PSME4: variants seen among roughly 807,000 people sequenced by gnomAD.
PSME4 encodes proteasome activator complex subunit 4.
In PSME4, 89 loss-of-function variants were observed where a neutral mutation model predicts 253.9. The ratio of observed to expected loss-of-function variants is 0.35; its 90% CI spans 0.30 to 0.42. The LOEUF is 0.42. Among genes scored for constraint, PSME4 ranks in the 10% least tolerant of loss-of-function variants. The pLI is 1.00. For missense variants in PSME4, 2,014 were observed against 2,195.2 expected, an observed-to-expected ratio of 0.92 and a Z score of 1.65; for synonymous variants, 851 against 759.2, an observed-to-expected ratio of 1.12 and a Z score of -1.99.
intron 1 of PSME4, among the ~76,000 whole-genome samples, chr2:53,968,418 T>C (rs1242033886): frequency 2.0e-5 from 3 of 152,184 alleles, no homozygotes; most frequent in Non-Finnish European, 2.9e-5. Flanking sequence ...CTTTCTATTC[T>C]ACAAAGTACT....
intron 4 of PSME4, among the ~76,000 whole-genome samples, chr2:53,939,258 C>A (rs926652150): frequency 2.6e-5 from 4 of 152,046 alleles, no homozygotes; most frequent in South Asian, 2.1e-4. Context: ...TAATACATGG[C>A]TTTTCACCAA....
At chr2:53,925,399 C>A in intron 14 of PSME4, 140 bp downstream of exon 14, 1 of 830,036 alleles carries the variant, frequency 1.2e-6, no homozygotes, top group East Asian at 2.9e-5. Context: ...AAATAATGAG[C>A]AACTGTACAT....
At chr2:53,909,137 C>T (rs995049156) in intron 21 of PSME4, among the ~76,000 whole-genome samples, 13 of 151,848 alleles carry the variant, frequency 8.6e-5, no homozygotes, top group African/African-American at 2.4e-4. Context: ...GTTGGAGAGG[C>T]GAGGGAAAGA....
At chr2:53,932,240 C>A in intron 9 of PSME4, 140 bp from the exon 10 acceptor site, 1 of 701,424 alleles carries the variant, frequency 1.4e-6, no homozygotes, top group Non-Finnish European at 2.3e-6. Flanking sequence ...CACAGCATAA[C>A]TAGATAGAAT....
rs1228727080 is a variant in PSME4 at position 53,869,424 on chromosome 2, T to A, written c.5215A>T (p.Lys1739Ter). ...EQLCKTKLPK[K>*]RKRDPGSVGD... ...ACAGAACCAGGGTCTCGCTTTCTTTTCTTAGGTAGTTTTGTTTTGCAAAGT... is the reference window on the plus strand; with the variant it reads ...ACAGAACCAGGGTCTCGCTTTCTTTACTTAGGTAGTTTTGTTTTGCAAAGT... The change falls in exon 44 of 47, where the codon AAA becomes TAA. Residue 1739 changes from lysine (K) to a stop codon, truncating the protein, a stop_gained. Coordinates refer to ENST00000404125, the MANE Select transcript of PSME4 (RefSeq NM_014614.3). LOFTEE classifies it high-confidence loss of function. 1 of 1,610,854 alleles carries A rather than the reference T, an allele frequency of 6.2e-7. No individual in the cohort carries two copies. Among genetic ancestry groups the A allele is most frequent in the Admixed American group, 1.7e-5 (1 of 60,010 alleles).
At chr2:53,935,981 C>T in intron 7 of PSME4, 106 bp downstream of exon 7, 9 of 1,433,356 alleles carry the variant, frequency 6.3e-6, no homozygotes, top group Non-Finnish European at 8.3e-6. Flanking sequence ...GCAACCTCAG[C>T]CTCCTGGGTT....
intron 3 of PSME4, among the ~76,000 whole-genome samples, chr2:53,946,210 G>A (rs966265434): frequency 6.6e-6 from 1 of 152,150 alleles, no homozygotes; most frequent in African/African-American, 2.4e-5. Flanking sequence ...GACCCTTAAG[G>A]CAGGAAAGTA....
At chr2:53,919,707 T>C (rs896008013) in intron 19 of PSME4, among the ~76,000 whole-genome samples, 1 of 152,184 alleles carries the variant, frequency 6.6e-6, no homozygotes, top group African/African-American at 2.4e-5. Context: ...TATGAAAAAT[T>C]TGTGGTGTTT....
chr2:53,875,639 C>G lies in PSME4; in HGVS notation c.4932G>C (p.Gln1644His). The change falls in exon 42 of 47, where the codon CAG (glutamine) becomes CAC (histidine). Residue 1644 changes from glutamine to histidine, a missense_variant. By Grantham distance (24) the Gln-to-His change is conservative. Coordinates refer to ENST00000404125, the MANE Select transcript of PSME4 (RefSeq NM_014614.3). The stretch of plus-strand genomic sequence containing the variant: ...TAAACACTCTTACTTGTTTTAGCAC[C>G]TGAAGTACCAAAGGCACTTGATGAG... ...LYPHQVPLVL[Q>H]VLKQTARSSS... The G allele has an allele frequency of 6.2e-7, 1 of 1,604,008 alleles. No homozygotes were observed. Among genetic ancestry groups the G allele is most frequent in the Non-Finnish European group, 8.5e-7 (1 of 1,176,878 alleles).
At chr2:53,896,573 A>G (rs971806205) in intron 32 of PSME4, among the ~76,000 whole-genome samples, 5 of 152,230 alleles carry the variant, frequency 3.3e-5, no homozygotes, top group African/African-American at 1.2e-4. Flanking sequence ...AATAATTAGT[A>G]TAATTGCTTA....
chr2:53,955,903 C>G (rs1367848321), intron 1 of PSME4, among the ~76,000 whole-genome samples: 2 of 152,100 alleles, frequency 1.3e-5, no homozygotes, highest in South Asian at 4.1e-4. Context: ...ACCTAGGCAA[C>G]AGTGAGACCT....
At chr2:53,907,128 G>A (rs1212833467) in intron 24 of PSME4, among the ~76,000 whole-genome samples, 1 of 152,106 alleles carries the variant, frequency 6.6e-6, no homozygotes, top group Non-Finnish European at 1.5e-5. Context: ...TTAGACCCAT[G>A]CATGGGAGAG....
Position 53,887,261 on chromosome 2 carries a change from G to C in PSME4, c.4727C>G (p.Thr1576Ser). The part of the protein sequence containing the change: ...ERTQGIKLLK[T>S]ILKWLMASAG... The stretch of plus-strand genomic sequence containing the variant: ...TTCTACTAATTTTATCCACTCACTG[G>C]TTTTCAAGAGTTTAATGCCCTGAGT... The change falls in exon 40 of 47, where the codon ACC becomes AGC. Residue 1576 changes from threonine to serine, a missense_variant and splice_region_variant. Physicochemically the swap from Thr to Ser is moderately conservative, Grantham distance 58 (BLOSUM62 1). This residue lies in a region of PSME4 where 403 missense variants were observed against 556.1 expected (regional missense o/e 0.72). Coordinates refer to ENST00000404125, the MANE Select transcript of PSME4 (RefSeq NM_014614.3). 6.2e-7 allele frequency: 1 copy of C among 1,610,018 alleles called. No homozygotes were observed. The highest frequency in any genetic ancestry group is 8.5e-7 in the Non-Finnish European group (1 of 1,176,358).
At chr2:53,961,315 T>C (rs768682035) in intron 1 of PSME4, among the ~76,000 whole-genome samples, 12 of 152,190 alleles carry the variant, frequency 7.9e-5, no homozygotes, top group Non-Finnish European at 1.5e-4. Context: ...AATGAGATTT[T>C]GATCTAATTT....
chr2:53,887,957 T>C lies in PSME4; in HGVS notation c.4421A>G (p.Gln1474Arg). The change falls in exon 39 of 47, where the codon CAG (glutamine) becomes CGG (arginine). Residue 1474 changes from glutamine (Q) to arginine (R), a missense_variant. Physicochemically the swap from Gln to Arg is conservative, Grantham distance 43 (BLOSUM62 1). This residue lies in a region of PSME4 where 403 missense variants were observed against 556.1 expected (regional missense o/e 0.72). Coordinates refer to ENST00000404125, the MANE Select transcript of PSME4 (RefSeq NM_014614.3). ...TAGTTCAGGCACTCTCCATTCTTGC[T>C]GGGCAAGGCCACCTTGTAGTACATA... Reference protein sequence around the residue: ...RLYVLQGGLAQQEWRVPELLH... With the variant: ...RLYVLQGGLARQEWRVPELLH... 2 of 1,612,722 alleles carry C rather than the reference T, an allele frequency of 1.2e-6. No homozygotes were observed. The highest frequency in any genetic ancestry group is 8.5e-7 in the Non-Finnish European group (1 of 1,179,054).
chr2:53,906,927 G>T (rs1680685744), intron 24 of PSME4, 59 bp from the exon 25 acceptor site: 2 of 1,499,284 alleles, frequency 1.3e-6, no homozygotes, highest in Non-Finnish European at 1.9e-6. Flanking sequence ...TTCAACAATG[G>T]ATGCCTCTAA....
intron 1 of PSME4, among the ~76,000 whole-genome samples, chr2:53,965,120 C>T (rs975717890): frequency 2.0e-5 from 3 of 152,018 alleles, no homozygotes; most frequent in Non-Finnish European, 2.9e-5. Flanking sequence ...CACACACACA[C>T]GAATCATGGA....
chr2:53,970,421 C>G (rs948738222), intron 1 of PSME4, 122 bp downstream of exon 1: 2 of 1,478,064 alleles, frequency 1.4e-6, no homozygotes, highest in African/African-American at 1.4e-5. Flanking sequence ...GATCACCGCT[C>G]GGGGACAGCT....
intron 43 of PSME4, among the ~76,000 whole-genome samples, chr2:53,872,003 A>C (rs1459518168): frequency 6.6e-6 from 1 of 152,138 alleles, no homozygotes; most frequent in Non-Finnish European, 1.5e-5. Context: ...AAAAAGAGTG[A>C]AACTCCCTCT....
Sources: allele counts gnomAD v4.1 joint callset (sites outside exome capture counted in the v4.1 genomes callset), GRCh38; gene constraint gnomAD v4.1.1; regional missense constraint gnomAD v4.1.1; transcripts MANE v1.5; gene names NCBI Gene and HGNC (gene_info 2026-07-23, HGNC 2026-07-21).